ZRANB3: variants seen among roughly 807,000 people sequenced by gnomAD.
The protein encoded by ZRANB3 is zinc finger RANBP2-type containing 3, also known as DNA annealing helicase and endonuclease ZRANB3.
Under a neutral mutation model 133.8 loss-of-function variants are expected in ZRANB3, and 125 were observed. The observed-to-expected ratio is 0.93, with a 90% CI of 0.81 to 1.08. The LOEUF (loss-of-function observed/expected upper bound fraction) is 1.08, where lower values mean the gene tolerates loss of function less well. ZRANB3 is among the 50% of genes least tolerant of loss of function. The pLI, the probability that ZRANB3 is intolerant of heterozygous loss-of-function variation, is 0.00. For synonymous variants in ZRANB3, 387 were observed against 432.7 expected (o/e 0.89, Z 1.31); for missense variants, 1,229 against 1,275.5 (o/e 0.96, Z 0.56).
intron 2 of ZRANB3, among the ~76,000 whole-genome samples, chr2:135,463,793 T>C (rs1432054977): frequency 6.6e-6 from 1 of 152,172 alleles, no homozygotes; most frequent in African/African-American, 2.4e-5. Flanking sequence ...TACCAGAAAG[T>C]TTTTCTTCAT....
intron 1 of ZRANB3, among the ~76,000 whole-genome samples, chr2:135,523,627 A>T (rs1043048331): frequency 3.9e-5 from 6 of 152,254 alleles, no homozygotes; most frequent in Non-Finnish European, 7.3e-5. Flanking sequence ...TCCTCACAAA[A>T]GCCTCTAAGG....
At chr2:135,305,146 G>T (rs1419073762) in intron 8 of ZRANB3, among the ~76,000 whole-genome samples, 2 of 151,924 alleles carry the variant, frequency 1.3e-5, no homozygotes, top group African/African-American at 4.8e-5. Flanking sequence ...CCCGGCTAAT[G>T]TTTATATTTC....
intron 8 of ZRANB3, among the ~76,000 whole-genome samples, chr2:135,280,619 A>T (rs928556716): frequency 4.0e-5 from 6 of 151,554 alleles, no homozygotes; most frequent in Non-Finnish European, 5.9e-5. Flanking sequence ...AATATTCATG[A>T]TTTTTTTTTC....
intron 11 of ZRANB3, 30 bp downstream of exon 11, chr2:135,268,932 C>T: frequency 2.5e-6 from 4 of 1,576,090 alleles, no homozygotes; most frequent in Non-Finnish European, 3.4e-6. Flanking sequence ...AGTAAGTAAG[C>T]TGCTAACTTG....
At chr2:135,377,684 T>C (rs1422460972) in intron 3 of ZRANB3, among the ~76,000 whole-genome samples, 1 of 152,208 alleles carries the variant, frequency 6.6e-6, no homozygotes, top group Non-Finnish European at 1.5e-5. Context: ...CTGATACAAA[T>C]ACATGATTAA....
At position 135,199,624 on chromosome 2, in the gene ZRANB3, T is replaced by C. The variant is rs914802259; in HGVS notation, c.*718A>G. Reference sequence around the variant, plus strand: ...CAACAGTAAGCCTAGTTTTATTCATTTTTTAAAAAAAGATCTAAAAAATCA... The same window carrying C: ...CAACAGTAAGCCTAGTTTTATTCATCTTTTAAAAAAAGATCTAAAAAATCA... On this transcript the variant is annotated 3_prime_UTR_variant, in exon 21 of 21. Transcript: ENST00000264159. The C allele has an allele frequency of 2.6e-5, 4 of 152,230 alleles. No homozygotes were observed. Among genetic ancestry groups the C allele is most frequent in the African/African-American group, 9.7e-5 (4 of 41,432 alleles). 9.4% of individuals were successfully genotyped at this position (152,230 alleles called of 1,614,324 possible).
chr2:135,209,739 T>C (rs896036226), intron 17 of ZRANB3, among the ~76,000 whole-genome samples: 3 of 152,208 alleles, frequency 2.0e-5, no homozygotes, highest in African/African-American at 7.2e-5. Flanking sequence ...TTTACACCTA[T>C]TGTAGATTTT....
chr2:135,433,366 A>T (rs1006767680), intron 2 of ZRANB3, among the ~76,000 whole-genome samples: 1 of 152,124 alleles, frequency 6.6e-6, no homozygotes, highest in Non-Finnish European at 1.5e-5. Context: ...CAGCACGGGC[A>T]ACAAAGTGAG....
intron 15 of ZRANB3, among the ~76,000 whole-genome samples, chr2:135,219,663 C>T (rs1233298555): frequency 6.6e-6 from 1 of 152,098 alleles, no homozygotes; most frequent in South Asian, 2.1e-4. Flanking sequence ...ATAATCTTCA[C>T]CAAATGATAT....
intron 2 of ZRANB3, among the ~76,000 whole-genome samples, chr2:135,412,511 A>G (rs147908566): frequency 0.01 from 1,570 of 152,270 alleles, 25 homozygotes; most frequent in African/African-American, 0.036. Context: ...GTTTTTAACT[A>G]CAAAATATTC....
At position 135,452,914 on chromosome 2, in the gene ZRANB3, C is replaced by T. The variant is rs1388170933; in HGVS notation, c.161+51415G>A. 2.0e-5 allele frequency among the ~76,000 whole-genome samples: 3 copies of T among 152,332 alleles called. No homozygotes were observed. The East Asian group carries it at 5.8e-4, about 29-fold the overall frequency. On this transcript the variant is annotated intron_variant, in intron 2 of 20. Coordinates refer to ENST00000264159, the MANE Select transcript of ZRANB3 (RefSeq NM_032143.4). ...GCTCTCTTCTCACAGCTCCACTAGG[C>T]AGTGCCCCAGTAGGGACACTGTGTG...
Position 135,350,207 on chromosome 2 carries a change from G to C in ZRANB3, c.368C>G (p.Ser123Trp), listed in dbSNP as rs61744510. 6 of 1,583,412 alleles carry C rather than the reference G, an allele frequency of 3.8e-6. No individual in the cohort carries two copies. In the African/African-American group the frequency reaches 8.1e-5, roughly 21 times the overall value. ...IQNKTDVRRMSTSKVTVLGYG... is the reference protein window; with the variant it reads ...IQNKTDVRRMWTSKVTVLGYG... ...ACCCAGAACTGTCACTTTACTGGTC[G>C]ACATTCTCCTAGAAAAGAAAATCCA... is the stretch of plus-strand genomic sequence containing the variant. Residue 123 changes from serine (S) to tryptophan (W), a missense_variant, in exon 5 of 21, where the codon TCG becomes TGG. Ser to Trp is a radical substitution (Grantham distance 177). Coordinates refer to ENST00000264159, the MANE Select transcript of ZRANB3 (RefSeq NM_032143.4).
intron 4 of ZRANB3, among the ~76,000 whole-genome samples, chr2:135,351,501 A>C (rs1362879733): frequency 6.6e-6 from 1 of 152,068 alleles, no homozygotes. Flanking sequence ...CTGGCCTCCC[A>C]AAGTGCTGGG....
chr2:135,262,499 C>T (rs1047107586), intron 12 of ZRANB3, among the ~76,000 whole-genome samples: 3 of 152,014 alleles, frequency 2.0e-5, no homozygotes, highest in African/African-American at 7.2e-5. Context: ...GACTAGAAGG[C>T]CAAGAGTGGT....
chr2:135,482,881 G>T (rs1691896718), intron 2 of ZRANB3, among the ~76,000 whole-genome samples: 2 of 151,912 alleles, frequency 1.3e-5, no homozygotes, highest in South Asian at 4.2e-4. Context: ...TAATCATGTG[G>T]TTTTTGTCTT....
chr2:135,440,782 CTG>C (rs1689746961), intron 2 of ZRANB3, among the ~76,000 whole-genome samples: 1 of 152,146 alleles, frequency 6.6e-6, no homozygotes, highest in South Asian at 2.1e-4. Flanking sequence ...AACCTACAAA[CTG>C]TGAGTGACAA....
chr2:135,468,546 G>A (rs1559018972), intron 2 of ZRANB3, among the ~76,000 whole-genome samples: 1 of 152,084 alleles, frequency 6.6e-6, no homozygotes, highest in East Asian at 1.9e-4. Flanking sequence ...ACAAGACAAC[G>A]TCTTATTCAT....
At chr2:135,460,283 G>GTCATTTTTTTTTT (rs1690706427) in intron 2 of ZRANB3, among the ~76,000 whole-genome samples, 2 of 148,994 alleles carry the variant, frequency 1.3e-5, no homozygotes, top group Non-Finnish European at 1.5e-5. Flanking sequence ...TTTTTGAGAT[G>GTCATTTTTTTTTT]GAGTTTCATT....
intron 3 of ZRANB3, among the ~76,000 whole-genome samples, chr2:135,367,603 TAAATA>T (rs1685997682): frequency 6.6e-6 from 1 of 152,006 alleles, no homozygotes; most frequent in Non-Finnish European, 1.5e-5. Context: ...AATAAATAAA[TAAATA>T]AACCACCCCA....
Sources: gnomAD v4.1 joint callset for allele counts (sites outside exome capture counted in the v4.1 genomes callset) on GRCh38, gnomAD v4.1.1 for gene constraint, MANE v1.5 for transcripts, NCBI Gene and HGNC (gene_info 2026-07-23, HGNC 2026-07-21) for gene names.